The following ITGA9 variants were observed in gnomAD, a reference collection of about 807,000 sequenced individuals.
The protein encoded by ITGA9 is integrin alpha-9.
Under a neutral mutation model 127.8 loss-of-function variants are expected in ITGA9, and 56 were observed. The observed-to-expected ratio is 0.44, with a 90% CI of 0.35 to 0.55. The LOEUF is 0.55. ITGA9 is among the 20% of genes least tolerant of loss of function. ITGA9 has a pLI of 0.00. For synonymous variants in ITGA9, 508 were observed against 514.5 expected, an observed-to-expected ratio of 0.99 and a Z score of 0.17; for missense variants, 1,196 against 1,347.1, an observed-to-expected ratio of 0.89 and a Z score of 1.76.
chr3:37,607,837 G>A (rs1573287), intron 15 of ITGA9, among the ~76,000 whole-genome samples: 107,697 of 152,062 alleles, frequency 0.71, 38,480 homozygotes, highest in East Asian at 0.8. Context: ...ATCAGGGGGC[G>A]GGGACCTGAT....
At position 37,481,555 on chromosome 3, in the gene ITGA9, C is replaced by T. The variant is rs774366645; in HGVS notation, c.492C>T (p.Ile164=). The part of the protein sequence containing the change: ...DHILPHGFCY[I]IPSNLQAKGR... ...TCCTACCCCATGGCTTCTGCTACATCATCCCCTCCAACCTCCAGGCCAAAG... is the reference window on the plus strand; with the variant it reads ...TCCTACCCCATGGCTTCTGCTACATTATCCCCTCCAACCTCCAGGCCAAAG... The change falls in exon 4 of 28, where the codon ATC becomes ATT. Residue 164 remains isoleucine, a synonymous_variant. Transcript: ENST00000264741. The T allele has an allele frequency of 6.2e-7, 1 of 1,614,192 alleles. No homozygotes were observed. Among genetic ancestry groups the T allele is most frequent in the South Asian group, 1.1e-5 (1 of 91,084 alleles).
At chr3:37,676,160 C>T (rs147873417) in intron 17 of ITGA9, among the ~76,000 whole-genome samples, 375 of 152,210 alleles carry the variant, frequency 2.5e-3, no homozygotes, top group African/African-American at 8.5e-3. Context: ...CATATTATAT[C>T]GTAAGTAAAG....
chr3:37,488,530 C>T lies in ITGA9; in HGVS notation c.545-5971C>T, dbSNP rs149339615. On this transcript the variant is annotated intron_variant, in intron 4 of 27. Transcript: ENST00000264741. ...AAAAATTATTGGCCAGGCGTGGTGG[C>T]TCATACCTGTAATCCCAGCACTTTG... Among the ~76,000 whole-genome samples, 410 of 152,250 alleles carry T rather than the reference C, an allele frequency of 2.7e-3. 5 individuals carry two copies. The highest frequency in any genetic ancestry group is 9.0e-3 in the African/African-American group (375 of 41,532).
At chr3:37,726,247 T>C (rs1288259129) in intron 18 of ITGA9, among the ~76,000 whole-genome samples, 8 of 152,200 alleles carry the variant, frequency 5.3e-5, no homozygotes, top group African/African-American at 1.9e-4. Flanking sequence ...GCTTGTTGTG[T>C]CTGGAAGAAG....
intron 26 of ITGA9, among the ~76,000 whole-genome samples, chr3:37,792,996 A>T (rs930777975): frequency 2.0e-5 from 3 of 152,108 alleles, no homozygotes; most frequent in Non-Finnish European, 4.4e-5. Context: ...CTGTCATTGC[A>T]TAAAGAGATG....
intron 16 of ITGA9, among the ~76,000 whole-genome samples, chr3:37,639,931 C>T: frequency 6.6e-6 from 1 of 152,156 alleles, no homozygotes; most frequent in South Asian, 2.1e-4. Flanking sequence ...TTTATCCCTC[C>T]TCCTCAGCTG....
chr3:37,719,107 A>G (rs1701163927), intron 18 of ITGA9, among the ~76,000 whole-genome samples: 1 of 152,206 alleles, frequency 6.6e-6, no homozygotes, highest in African/African-American at 2.4e-5. Flanking sequence ...TGCAGAACAT[A>G]TCAGGGGAGA....
intron 14 of ITGA9, 57 bp from the exon 15 acceptor site, chr3:37,542,368 G>A (rs886135874): frequency 1.1e-5 from 18 of 1,572,114 alleles, no homozygotes; most frequent in Non-Finnish European, 1.3e-5. Flanking sequence ...GAAAAGAGGT[G>A]GCCTCATCAC....
intron 15 of ITGA9, among the ~76,000 whole-genome samples, chr3:37,618,617 G>A (rs1158504989): frequency 2.0e-5 from 3 of 152,192 alleles, no homozygotes; most frequent in Non-Finnish European, 4.4e-5. Flanking sequence ...CACTCAGTTC[G>A]AGCTTCTCAG....
In ITGA9 at chr3:37,452,352, G is replaced by T; in HGVS notation, c.-23G>T. 1 of 1,144,942 alleles carries T rather than the reference G, an allele frequency of 8.7e-7. No individual in the cohort carries two copies. Among genetic ancestry groups the T allele is most frequent in the South Asian group, 3.6e-5 (1 of 27,450 alleles). 70.9% of individuals were successfully genotyped at this position (1,144,942 alleles called of 1,614,324 possible). ...TCGGCGCCCTGCTCGCCGGGCAGAG[G>T]GGAAGGCGGCGGCCGGCTGGGGATG... is the stretch of plus-strand genomic sequence containing the variant. On this transcript the variant is annotated 5_prime_UTR_variant, in exon 1 of 28. Coordinates refer to ENST00000264741, the MANE Select transcript of ITGA9 (RefSeq NM_002207.3). The surrounding 1 kb of genome is among the most constrained non-coding windows in gnomAD (Gnocchi z 7.3).
At chr3:37,743,749 A>G (rs1480169996) in intron 21 of ITGA9, among the ~76,000 whole-genome samples, 177 bp from the exon 22 acceptor site, 1 of 152,252 alleles carries the variant, frequency 6.6e-6, no homozygotes, top group African/African-American at 2.4e-5. Context: ...ATGAGAAGAC[A>G]CTACTATTCA....
intron 18 of ITGA9, among the ~76,000 whole-genome samples, chr3:37,717,783 C>T (rs2125681984): frequency 6.6e-6 from 1 of 152,302 alleles, no homozygotes; most frequent in Non-Finnish European, 1.5e-5. Context: ...AGCTAATTTT[C>T]CCACTAAAGT....
intron 17 of ITGA9, among the ~76,000 whole-genome samples, chr3:37,666,613 G>T (rs1342283580): frequency 6.6e-6 from 1 of 152,220 alleles, no homozygotes; most frequent in African/African-American, 2.4e-5. Context: ...AGTGTGGCCA[G>T]GGCCCAAAAT....
intron 18 of ITGA9, among the ~76,000 whole-genome samples, chr3:37,689,952 A>G (rs1700815621): frequency 6.6e-6 from 1 of 152,230 alleles, no homozygotes; most frequent in South Asian, 2.1e-4. Context: ...ATTGGGGCCA[A>G]AGGCATGTCA....
chr3:37,622,160 TC>T (rs1271578463), intron 15 of ITGA9, among the ~76,000 whole-genome samples: 1 of 146,688 alleles, frequency 6.8e-6, no homozygotes, highest in Non-Finnish European at 1.5e-5. Flanking sequence ...TTTCCCCGGC[TC>T]ACTGCAAGCT....
rs1436239435 is a variant in ITGA9 at position 37,822,656 on chromosome 3, CAAA to C, written c.*3670_*3672del. The C allele has an allele frequency of 2.0e-5, 3 of 152,346 alleles. No homozygotes were observed. Among genetic ancestry groups the C allele is most frequent in the African/African-American group, 7.2e-5 (3 of 41,584 alleles). The allele number at this position is 152,346 out of a possible 1,614,324, so 9.4% of individuals were successfully genotyped here. On this transcript the variant is annotated 3_prime_UTR_variant, in exon 28 of 28. Coordinates refer to ENST00000264741, the MANE Select transcript of ITGA9 (RefSeq NM_002207.3). Reference sequence around the variant, plus strand: ...GAGCCAAAGGCAATGAGGTTTAAAACAAAAACCCAACAGCACTCCTGGGAACAT... The same window carrying C: ...GAGCCAAAGGCAATGAGGTTTAAAACAACCCAACAGCACTCCTGGGAACAT...
At chr3:37,643,595 T>G (rs767366514) in intron 16 of ITGA9, among the ~76,000 whole-genome samples, 7 of 152,266 alleles carry the variant, frequency 4.6e-5, no homozygotes, top group Non-Finnish European at 8.8e-5. Context: ...TCAAGCTTAT[T>G]GAGTTTTCTT....
chr3:37,585,801 C>CCG (rs755263272), intron 15 of ITGA9, among the ~76,000 whole-genome samples: 19 of 151,838 alleles, frequency 1.3e-4, no homozygotes, highest in Non-Finnish European at 2.4e-4. Context: ...AGGGGGCCCC[C>CCG]CCAATTTTAA....
At chr3:37,800,756 T>C (rs1164173556) in intron 26 of ITGA9, among the ~76,000 whole-genome samples, 1 of 152,212 alleles carries the variant, frequency 6.6e-6, no homozygotes, top group African/African-American at 2.4e-5. Flanking sequence ...TCTCCATGCC[T>C]ATCAATAATA....
Sources: allele counts gnomAD v4.1 joint callset (sites outside exome capture counted in the v4.1 genomes callset), GRCh38; gene constraint gnomAD v4.1.1; non-coding constraint Gnocchi (gnomAD v3.1); transcripts MANE v1.5; gene names NCBI Gene and HGNC (gene_info 2026-07-23, HGNC 2026-07-21).